ITPR2: variants seen among roughly 807,000 people sequenced by gnomAD.
The protein encoded by ITPR2 is inositol 1,4,5-trisphosphate receptor type 2.
A neutral mutation model predicts 317.1 loss-of-function variants in ITPR2; 207 were observed. The observed-to-expected ratio is 0.65, with a 90% confidence interval of 0.58 to 0.73. ITPR2 has a LOEUF of 0.73. Ranked by LOEUF, ITPR2 falls within the 30% of genes least tolerant of loss-of-function variation. The pLI is 0.00. For missense variants in ITPR2, 2,613 were observed against 3,284.0 expected (o/e 0.80, Z 4.99); for synonymous variants, 1,156 against 1,149.1 (o/e 1.01, Z -0.12).
intron 5 of ITPR2, among the ~76,000 whole-genome samples, chr12:26,717,354 C>T (rs147430672): frequency 6.6e-6 from 1 of 152,164 alleles, no homozygotes; most frequent in Non-Finnish European, 1.5e-5. Context: ...ATGGATGATA[C>T]GGAGGAGTCC....
chr12:26,360,939 C>A (rs971233071), intron 55 of ITPR2, among the ~76,000 whole-genome samples: 1 of 152,000 alleles, frequency 6.6e-6, no homozygotes, highest in African/African-American at 2.4e-5. Flanking sequence ...AGCAGCCAGG[C>A]GCCATGGCTC....
intron 36 of ITPR2, among the ~76,000 whole-genome samples, chr12:26,553,548 A>T (rs1042714315): frequency 3.3e-5 from 5 of 151,464 alleles, no homozygotes; most frequent in African/African-American, 1.2e-4. Flanking sequence ...GCACTTTGGG[A>T]GGCCGATGTG....
intron 21 of ITPR2, chr12:26,649,017 C>T (rs925864789): frequency 1.3e-5 from 2 of 152,138 alleles, no homozygotes; most frequent in African/African-American, 2.4e-5. Flanking sequence ...TGAATTGTCA[C>T]CTTGCATAAC....
At chr12:26,589,369 G>C (rs576062885) in intron 32 of ITPR2, among the ~76,000 whole-genome samples, 2 of 152,214 alleles carry the variant, frequency 1.3e-5, no homozygotes, top group Non-Finnish European at 2.9e-5. Context: ...ACTTTAGACA[G>C]CTTTACTCAA....
chr12:26,727,700 G>T (rs1948954414), intron 2 of ITPR2, among the ~76,000 whole-genome samples: 1 of 152,172 alleles, frequency 6.6e-6, no homozygotes, highest in African/African-American at 2.4e-5. Flanking sequence ...ACGAACAGGG[G>T]TTAAGCCTCA....
intron 2 of ITPR2, among the ~76,000 whole-genome samples, chr12:26,753,536 T>C (rs1949466402): frequency 6.6e-6 from 1 of 152,110 alleles, no homozygotes; most frequent in Non-Finnish European, 1.5e-5. Context: ...CCCTGGCCTC[T>C]CTAAGTAACT....
At chr12:26,627,927 A>AC in intron 23 of ITPR2, 106 bp downstream of exon 23, 1 of 1,082,892 alleles carries the variant, frequency 9.2e-7, no homozygotes, top group Non-Finnish European at 1.3e-6. Flanking sequence ...ATAATAAAAA[A>AC]ATTTAAAAAG....
In ITPR2 at chr12:26,476,915, T is replaced by C; in HGVS notation, c.6216A>G (p.Glu2072=). The C allele has an allele frequency of 6.2e-7, 1 of 1,608,268 alleles. No individual in the cohort carries two copies. The highest frequency in any genetic ancestry group is 1.3e-5 in the African/African-American group (1 of 74,896). ...AAGCTTTTAAAAGTTTTCTTACCAG[T>C]TCTCTGGGTCTCATGTTAAAAAGAA... is the stretch of plus-strand genomic sequence containing the variant. ...ERILFNMRPR[E]LVDVMKNAYN... is the part of the protein sequence containing the mutation. The change falls in exon 44 of 57, where the codon GAA becomes GAG. Residue 2072 remains glutamate, a synonymous_variant. Transcript: ENST00000381340.
Position 26,482,281 on chromosome 12 carries a change from A to G in ITPR2, c.6013-1040T>C, listed in dbSNP as rs1258980370. Reference sequence around the variant, plus strand: ...AGATCATCTCCAGAATTTGCCAGCAATCTTTCCTCCCACACATTTTCAGAG... The same window carrying G: ...AGATCATCTCCAGAATTTGCCAGCAGTCTTTCCTCCCACACATTTTCAGAG... On this transcript the variant is annotated intron_variant, in intron 42 of 56. Transcript: ENST00000381340. Among the ~76,000 whole-genome samples, 6 of 152,170 alleles carry G rather than the reference A, an allele frequency of 3.9e-5. No homozygotes were observed. In the South Asian group the frequency reaches 1.0e-3, roughly 26 times the overall value.
intron 37 of ITPR2, among the ~76,000 whole-genome samples, chr12:26,523,536 T>TAA (rs56371802): frequency 1.6e-3 from 238 of 150,746 alleles, no homozygotes; most frequent in Non-Finnish European, 2.1e-3. Flanking sequence ...TTTTTTTTTT[T>TAA]AAAAAGCCTA....
At chr12:26,349,005 G>A (rs1406649575) in intron 55 of ITPR2, among the ~76,000 whole-genome samples, 1 of 152,114 alleles carries the variant, frequency 6.6e-6, no homozygotes, top group Non-Finnish European at 1.5e-5. Flanking sequence ...ACAATTAACT[G>A]TGTGTGGTGG....
intron 2 of ITPR2, among the ~76,000 whole-genome samples, chr12:26,734,059 A>G (rs910095342): frequency 9.9e-5 from 15 of 152,168 alleles, no homozygotes. Context: ...ATGTACTTCC[A>G]TAGCGTCTCC....
At chr12:26,747,519 T>G (rs375680396) in intron 2 of ITPR2, among the ~76,000 whole-genome samples, 3 of 152,242 alleles carry the variant, frequency 2.0e-5, no homozygotes, top group African/African-American at 7.2e-5. Flanking sequence ...TCGACGCCTC[T>G]TCATGTTACT....
At chr12:26,737,705 A>T (rs1383756083) in intron 2 of ITPR2, among the ~76,000 whole-genome samples, 1 of 151,946 alleles carries the variant, frequency 6.6e-6, no homozygotes, top group Non-Finnish European at 1.5e-5. Context: ...GTATTACAGA[A>T]ACCGGAAATT....
At position 26,622,317 on chromosome 12, in the gene ITPR2, G is replaced by GCGGGTAGT. The variant is rs1331143868; in HGVS notation, c.3203_3210dup (p.Pro1071ThrfsTer39). On this transcript the variant is annotated frameshift_variant, in exon 25 of 57. Coordinates refer to ENST00000381340, the MANE Select transcript of ITPR2 (RefSeq NM_002223.4). LOFTEE classifies it high-confidence loss of function. ...AGCTGCAGGGCTCCAGACAGCAAAGGCGGGTAGTCGTGCATGATCAGATGA... is the reference window on the plus strand; with the variant it reads ...AGCTGCAGGGCTCCAGACAGCAAAGGCGGGTAGTCGGGTAGTCGTGCATGATCAGATGA... 1 of 1,614,036 alleles carries GCGGGTAGT rather than the reference G, an allele frequency of 6.2e-7. No homozygotes were observed. Among genetic ancestry groups the GCGGGTAGT allele is most frequent in the South Asian group, 1.1e-5 (1 of 91,062 alleles).
chr12:26,495,191 G>A lies in ITPR2; in HGVS notation c.5143C>T (p.His1715Tyr). 2 of 1,608,950 alleles carry A rather than the reference G, an allele frequency of 1.2e-6. No homozygotes were observed. The highest frequency in any genetic ancestry group is 1.3e-5 in the African/African-American group (1 of 74,938). Residue 1715 changes from histidine (H) to tyrosine (Y), a missense_variant, in exon 38 of 57, where the codon CAC (histidine) becomes TAC (tyrosine). This residue lies in a region of ITPR2 where 926 missense variants were observed against 1,072.8 expected (regional missense o/e 0.86). Coordinates refer to ENST00000381340, the MANE Select transcript of ITPR2 (RefSeq NM_002223.4). ...GTTTTGGAGTAGGCTCCTGATAGGT[G>A]TCCATTCACACCAATACTATAATCA... ...KGDYSIGVNG[H>Y]LSGAYSKTAQ...
chr12:26,434,000 A>T (rs944739986), intron 48 of ITPR2, among the ~76,000 whole-genome samples: 3 of 152,172 alleles, frequency 2.0e-5, no homozygotes, highest in South Asian at 2.1e-4. Context: ...GGGTAAATTA[A>T]AAAACATTTG....
chr12:26,518,722 T>C (rs76836091), intron 37 of ITPR2, among the ~76,000 whole-genome samples: 2,943 of 152,208 alleles, frequency 0.019, 53 homozygotes, highest in African/African-American at 0.046. Flanking sequence ...ACAGAACTAA[T>C]TTTTAAATTT....
chr12:26,580,116 A>G lies in ITPR2; in HGVS notation c.4420T>C (p.Phe1474Leu). The G allele has an allele frequency of 6.2e-7, 1 of 1,612,630 alleles. No homozygotes were observed. Among genetic ancestry groups the G allele is most frequent in the Non-Finnish European group, 8.5e-7 (1 of 1,178,852 alleles). The change falls in exon 33 of 57, where the codon TTT (phenylalanine) becomes CTT (leucine). Residue 1474 changes from phenylalanine (F) to leucine (L), a missense_variant. This residue lies in a region of ITPR2 where 926 missense variants were observed against 1,072.8 expected (regional missense o/e 0.86). Transcript: ENST00000381340. ...TTTDRKHADI[F>L]LEKCVTESIM... is the part of the protein sequence containing the mutation. ...GACTCAGTAACACACTTTTCCAAAA[A>G]GATGTCTGCATGTTTCCTGTCTGTA...
Sources: gnomAD v4.1 joint callset for allele counts (sites outside exome capture counted in the v4.1 genomes callset) on GRCh38, gnomAD v4.1.1 for gene constraint, gnomAD v4.1.1 regional missense constraint, MANE v1.5 for transcripts, NCBI Gene and HGNC (gene_info 2026-07-23, HGNC 2026-07-21) for gene names.